Variants in STAG1 observed in about 807,000 individuals in gnomAD.
The protein encoded by STAG1 is STAG1 cohesin complex component.
STAG1 carries 26 observed loss-of-function variants against 170.9 expected under a neutral mutation model. The observed-to-expected ratio is 0.15, with a 90% confidence interval of 0.11 to 0.21. The LOEUF (loss-of-function observed/expected upper bound fraction) is 0.21, where lower values mean the gene tolerates loss of function less well. Among genes scored for constraint, STAG1 ranks in the 10% least tolerant of loss-of-function variants. STAG1 has a pLI of 1.00. For synonymous variants in STAG1, 514 were observed against 497.7 expected (o/e 1.03, Z -0.44); for missense variants, 964 against 1,509.5 (o/e 0.64, Z 5.99).
intron 13 of STAG1, among the ~76,000 whole-genome samples, chr3:136,460,510 T>G (rs562784456): frequency 7.9e-5 from 12 of 151,940 alleles, no homozygotes; most frequent in African/African-American, 2.4e-4. Flanking sequence ...GCTGAGGCAG[T>G]AGAATCGCTT....
chr3:136,381,247 T>A (rs1576410614), intron 22 of STAG1, among the ~76,000 whole-genome samples: 1 of 152,078 alleles, frequency 6.6e-6, no homozygotes, highest in Non-Finnish European at 1.5e-5. Context: ...TGGATGAGAC[T>A]GCTCAAGGAG....
At chr3:136,679,759 G>A (rs901427430) in intron 1 of STAG1, among the ~76,000 whole-genome samples, 75 of 149,896 alleles carry the variant, frequency 5.0e-4, no homozygotes, top group Middle Eastern at 3.5e-3. Flanking sequence ...AAAATCAGCC[G>A]GGCATGGTGG....
At chr3:136,347,586 A>C (rs1317145000) in intron 29 of STAG1, among the ~76,000 whole-genome samples, 1 of 152,168 alleles carries the variant, frequency 6.6e-6, no homozygotes, top group East Asian at 1.9e-4. Context: ...TTGAACAGTA[A>C]CATTTATATT....
chr3:136,545,490 G>T (rs796662819), intron 5 of STAG1, among the ~76,000 whole-genome samples: 13 of 152,278 alleles, frequency 8.5e-5, no homozygotes, highest in African/African-American at 3.1e-4. Context: ...GAAATGTTGA[G>T]TCTACTAAAA....
chr3:136,364,406 C>A (rs977199544), intron 25 of STAG1, among the ~76,000 whole-genome samples: 2 of 151,946 alleles, frequency 1.3e-5, no homozygotes, highest in African/African-American at 4.8e-5. Flanking sequence ...CATGATTGAA[C>A]AGACAACATC....
intron 5 of STAG1, among the ~76,000 whole-genome samples, chr3:136,562,024 T>C (rs1429714185): frequency 6.6e-6 from 1 of 152,180 alleles, no homozygotes; most frequent in Non-Finnish European, 1.5e-5. Flanking sequence ...CTTTACTCTT[T>C]AATATTTCAG....
At chr3:136,472,234 T>TA (rs1339782673) in intron 12 of STAG1, among the ~76,000 whole-genome samples, 179 bp downstream of exon 12, 9 of 151,666 alleles carry the variant, frequency 5.9e-5, no homozygotes, top group Non-Finnish European at 1.2e-4. Context: ...ATAGTGAAAA[T>TA]AAAAAACAAA....
intron 23 of STAG1, among the ~76,000 whole-genome samples, chr3:136,372,066 C>T (rs2108298668): frequency 6.6e-6 from 1 of 152,208 alleles, no homozygotes; most frequent in African/African-American, 2.4e-5. Flanking sequence ...TGAAGAGGTC[C>T]TTCACATCCC....
intron 15 of STAG1, among the ~76,000 whole-genome samples, chr3:136,436,305 G>A (rs1019258506): frequency 2.6e-5 from 4 of 151,198 alleles, no homozygotes; most frequent in Non-Finnish European, 5.9e-5. Flanking sequence ...TTTTGGAAGT[G>A]GAGTCTCACT....
At chr3:136,640,228 GAA>G (rs1394980480) in intron 1 of STAG1, among the ~76,000 whole-genome samples, 1 of 152,076 alleles carries the variant, frequency 6.6e-6, no homozygotes, top group Non-Finnish European at 1.5e-5. Flanking sequence ...ATTCATTTAG[GAA>G]AAGTTATTTT....
chr3:136,522,360 T>C (rs1035249049), intron 6 of STAG1, among the ~76,000 whole-genome samples: 3 of 151,922 alleles, frequency 2.0e-5, no homozygotes, highest in African/African-American at 7.3e-5. Flanking sequence ...ATCCCAAAAG[T>C]TAGTTAATGT....
chr3:136,360,241 A>T (rs1936809026), intron 26 of STAG1, among the ~76,000 whole-genome samples: 1 of 152,222 alleles, frequency 6.6e-6, no homozygotes, highest in Non-Finnish European at 1.5e-5. Flanking sequence ...TTTCACCTAA[A>T]GCCATTCCCT....
At chr3:136,644,081 C>T (rs1393518996) in intron 1 of STAG1, among the ~76,000 whole-genome samples, 1 of 152,086 alleles carries the variant, frequency 6.6e-6, no homozygotes, top group Non-Finnish European at 1.5e-5. Context: ...ACACAGTAAA[C>T]CACACCAATA....
intron 22 of STAG1, among the ~76,000 whole-genome samples, chr3:136,386,796 C>T (rs1016555087): frequency 2.0e-5 from 3 of 151,926 alleles, no homozygotes; most frequent in Non-Finnish European, 2.9e-5. Flanking sequence ...AATTTAGTTG[C>T]GTTTTCATCC....
At chr3:136,552,832 G>T (rs1189087006) in intron 5 of STAG1, among the ~76,000 whole-genome samples, 1 of 152,032 alleles carries the variant, frequency 6.6e-6, no homozygotes, top group Non-Finnish European at 1.5e-5. Context: ...ATTACAAATG[G>T]TCCTAGATTG....
rs140808225 is a variant in STAG1, at chr3:136,585,829, T to C, written c.298-16968A>G. Among the ~76,000 whole-genome samples the C allele has an allele frequency of 6.6e-5, 10 of 152,276 alleles. No individual in the cohort carries two copies. The East Asian group carries it at 1.9e-3, about 29-fold the overall frequency. On this transcript the variant is annotated intron_variant, in intron 4 of 33. Transcript: ENST00000383202. Reference sequence around the variant, plus strand: ...CAAATAGTGAGAAATTCTATCAACATACATTCAGTTTTCTTTAGTAGTTTG... The same window carrying C: ...CAAATAGTGAGAAATTCTATCAACACACATTCAGTTTTCTTTAGTAGTTTG...
At chr3:136,401,659 C>T (rs1413807980) in intron 21 of STAG1, among the ~76,000 whole-genome samples, 1 of 151,932 alleles carries the variant, frequency 6.6e-6, no homozygotes, top group African/African-American at 2.4e-5. Flanking sequence ...GCACTGTCTC[C>T]CGGGCCTTGG....
intron 24 of STAG1, 35 bp from the exon 25 acceptor site, chr3:136,367,117 G>A: frequency 6.5e-7 from 1 of 1,541,522 alleles, no homozygotes; most frequent in Admixed American, 1.8e-5. Context: ...ATGAATTCTG[G>A]TACTTTATCC....
chr3:136,730,653 G>A (rs965237261), intron 1 of STAG1, among the ~76,000 whole-genome samples: 6 of 152,152 alleles, frequency 3.9e-5, no homozygotes, highest in Admixed American at 1.3e-4. Flanking sequence ...GGGTTCAGCT[G>A]GTCTGGGACA....
Sources: gnomAD v4.1 joint callset for allele counts (sites outside exome capture counted in the v4.1 genomes callset) on GRCh38, gnomAD v4.1.1 for gene constraint, MANE v1.5 for transcripts, NCBI Gene and HGNC (gene_info 2026-07-23, HGNC 2026-07-21) for gene names.